Variants in ACAP3 observed in about 807,000 individuals in gnomAD.
ACAP3 encodes the protein ArfGAP with coiled-coil, ankyrin repeat and PH domains 3.
In ACAP3, 56 loss-of-function variants were observed where a neutral mutation model predicts 104.1. The ratio of observed to expected loss-of-function variants is 0.54; its 90% CI spans 0.43 to 0.67. The LOEUF (loss-of-function observed/expected upper bound fraction) is 0.67. ACAP3 is among the 30% of genes least tolerant of loss of function. The pLI, the probability that ACAP3 is intolerant of heterozygous loss-of-function variation, is 0.00. For missense variants in ACAP3, 1,208 were observed against 1,174.9 expected, an observed-to-expected ratio of 1.03 and a Z score of -0.41; for synonymous variants, 628 against 496.2, an observed-to-expected ratio of 1.27 and a Z score of -3.53.
At position 1,295,477 on chromosome 1, in the gene ACAP3, C is replaced by T. The variant is rs150351192; in HGVS notation, c.1783G>A (p.Asp595Asn). 4.6e-5 allele frequency: 74 copies of T among 1,612,578 alleles called. No individual in the cohort carries two copies. Among genetic ancestry groups the T allele is most frequent in the Non-Finnish European group, 5.9e-5 (70 of 1,179,886 alleles). ...DELDSLFSYF[D>N]AGAAGAGPRS... ...GGGCCAGCCCCTGCGGCCCCTGCGT[C>T]GAAGTAGGAGAAGAGCGAGTCCAGC... The change falls in exon 19 of 24, where the codon GAC becomes AAC. Residue 595 changes from aspartate (D) to asparagine (N), a missense_variant. By Grantham distance (23) the Asp-to-Asn change is conservative. Coordinates refer to ENST00000354700, the MANE Select transcript of ACAP3 (RefSeq NM_030649.3).
At chr1:1,298,343 G>A (rs377463724) in intron 12 of ACAP3, 27 bp downstream of exon 12, 5 of 1,606,024 alleles carry the variant, frequency 3.1e-6, no homozygotes, top group Non-Finnish European at 4.3e-6. Context: ...CAGCCATCAG[G>A]GCCCCAGCCC....
At chr1:1,299,636 G>T (rs1641356430) in intron 9 of ACAP3, 195 bp downstream of exon 9, 2 of 741,682 alleles carry the variant, frequency 2.7e-6, no homozygotes, top group Non-Finnish European at 4.4e-6. Flanking sequence ...GGAGATCCCA[G>T]CAGCGGCCCC....
intron 10 of ACAP3, 50 bp from the exon 11 acceptor site, chr1:1,298,729 A>C (rs1208440890): frequency 2.1e-6 from 3 of 1,426,290 alleles, no homozygotes; most frequent in Non-Finnish European, 3.0e-6. Context: ...GGGCCCTGCT[A>C]CCCTCCGTGC....
rs1363986545 is a variant in ACAP3, at chr1:1,293,915, C to T, written c.2268G>A (p.Leu756=). 6.3e-7 allele frequency: 1 copy of T among 1,578,644 alleles called. No homozygotes were observed. Among genetic ancestry groups the T allele is most frequent in the Admixed American group, 1.7e-5 (1 of 57,538 alleles). Reference sequence around the variant, plus strand: ...GGGCGTGCTGGTCCGCGCCCCGCTTCAGGAACAGGCAAACCTGGCTGAGGG... The same window carrying T: ...GGGCGTGCTGGTCCGCGCCCCGCTTTAGGAACAGGCAAACCTGGCTGAGGG... The part of the protein sequence containing the change: ...LGRTGQVCLF[L]KRGADQHALD... The change falls in exon 23 of 24, where the codon CTG becomes CTA. Residue 756 remains leucine, a synonymous_variant. Transcript: ENST00000354700.
chr1:1,297,955 G>C (rs374846403), intron 13 of ACAP3, 22 bp from the exon 14 acceptor site: 2 of 1,611,054 alleles, frequency 1.2e-6, no homozygotes, highest in African/African-American at 2.7e-5. Context: ...GGAGGGGCGG[G>C]CGTCAGCTCC....
At chr1:1,301,939 G>A (rs1259973858) in intron 5 of ACAP3, 49 bp downstream of exon 5, 6 of 1,493,456 alleles carry the variant, frequency 4.0e-6, no homozygotes, top group Admixed American at 2.2e-5. Flanking sequence ...CCCTCCAAGG[G>A]AGGGAGCGTG....
chr1:1,292,885 T>A lies in ACAP3; in HGVS notation c.*679A>T, dbSNP rs557518263. On this transcript the variant is annotated 3_prime_UTR_variant, in exon 24 of 24. Transcript: ENST00000354700. ...AGATGAGGGCTGCAAAGTGGCAAAG[T>A]GGCTTTATGCGCAGGCTCTGGGCCG... The A allele has an allele frequency of 6.6e-6, 1 of 152,324 alleles. No homozygotes were observed. Among genetic ancestry groups the A allele is most frequent in the South Asian group, 2.1e-4 (1 of 4,828 alleles). The allele number at this position is 152,324 out of a possible 1,614,324, so 9.4% of individuals were successfully genotyped here. A position where few individuals can be genotyped will look rare whatever the true frequency, so the allele number is the denominator to read the frequency against.
chr1:1,304,185 A>C, intron 1 of ACAP3, 42 bp from the exon 2 acceptor site: 1 of 1,549,654 alleles, frequency 6.5e-7, no homozygotes, highest in Non-Finnish European at 8.7e-7. Context: ...CTGCAGCCTC[A>C]GCCCCCTCGG....
Position 1,294,486 on chromosome 1 carries a change from C to T in ACAP3, c.2055G>A (p.Ala685=), listed in dbSNP as rs747334355. 1.3e-5 allele frequency: 20 copies of T among 1,546,452 alleles called. No homozygotes were observed. The African/African-American group carries it at 2.2e-4, about 17-fold the overall frequency. The part of the protein sequence containing the change: ...AARARDLPAL[A]AALAHGAEVN... ...CCTCGGCCCCGTGGGCCAGCGCCGC[C>T]GCCAGCGCAGGAAGGTCGCGGGCAC... The change falls in exon 21 of 24, where the codon GCG becomes GCA. Residue 685 remains alanine, a synonymous_variant. Transcript: ENST00000354700.
Position 1,301,844 on chromosome 1 carries a change from C to T in ACAP3, c.338+144G>A, listed in dbSNP as rs537062292. On this transcript the variant is annotated intron_variant, in intron 5 of 23. Transcript: ENST00000354700. ...CCCCCGCACTCCACCCGGCTGTCTG[C>T]CTCTGAGCCTTCTGCCTTGTGGAGC... The T allele has an allele frequency of 2.4e-4, 173 of 724,626 alleles. No homozygotes were observed. In the African/African-American group the frequency reaches 3.0e-3, roughly 12 times the overall value. The allele number at this position is 724,626 out of a possible 1,614,324, so 44.9% of individuals were successfully genotyped here.
chr1:1,306,236 C>G (rs998573699), intron 1 of ACAP3, among the ~76,000 whole-genome samples: 1 of 152,086 alleles, frequency 6.6e-6, no homozygotes, highest in Non-Finnish European at 1.5e-5. Context: ...GAGAGAAGGC[C>G]CAGAGGTGAG....
intron 21 of ACAP3, 84 bp from the exon 22 acceptor site, chr1:1,294,283 C>A: frequency 6.6e-7 from 1 of 1,516,496 alleles, no homozygotes; most frequent in Non-Finnish European, 8.9e-7. Flanking sequence ...CTTGGGCGCC[C>A]CCAGCCGGGA....
At chr1:1,296,152 G>A (rs1641136753) in intron 16 of ACAP3, 43 bp from the exon 17 acceptor site, 1 of 1,609,490 alleles carries the variant, frequency 6.2e-7, no homozygotes, top group Non-Finnish European at 8.5e-7. Flanking sequence ...CGAACCTGCA[G>A]ACCCCAGCTC....
In ACAP3 at chr1:1,297,946, G is replaced by A. The variant is rs542576214; in HGVS notation, c.1017-13C>T. On this transcript the variant is annotated splice_polypyrimidine_tract_variant and intron_variant, in intron 13 of 23. Coordinates refer to ENST00000354700, the MANE Select transcript of ACAP3 (RefSeq NM_030649.3). ...CAGCATGCAGCTCCTGCAGGCAGTG[G>A]AGGGGCGGGCGTCAGCTCCGGTGGG... The A allele has an allele frequency of 1.2e-6, 2 of 1,611,442 alleles. No homozygotes were observed. The highest frequency in any genetic ancestry group is 2.2e-5 in the South Asian group (2 of 91,022).
chr1:1,293,460 A>G lies in ACAP3; in HGVS notation c.*104T>C. On this transcript the variant is annotated 3_prime_UTR_variant, in exon 24 of 24. Transcript: ENST00000354700. The stretch of plus-strand genomic sequence containing the variant: ...CCAGCACTGGGGCTGCCAGGTATCG[A>G]CCCGCGGGTCACACGCAGGGCCGCG... 8.4e-7 allele frequency: 1 copy of G among 1,194,386 alleles called. No homozygotes were observed. Among genetic ancestry groups the G allele is most frequent in the Non-Finnish European group, 1.1e-6 (1 of 940,630 alleles). 74.0% of individuals were successfully genotyped at this position (1,194,386 alleles called of 1,614,324 possible).
Position 1,303,102 on chromosome 1 carries a change from T to TGCC in ACAP3, c.225+57_225+59dup. The TGCC allele has an allele frequency of 6.4e-7, 1 of 1,557,262 alleles. No homozygotes were observed. On this transcript the variant is annotated intron_variant, in intron 3 of 23. Transcript: ENST00000354700. The surrounding 1 kb of genome is among the most constrained non-coding windows in gnomAD (Gnocchi z 4.0). ...TCTGGCCTGGACGCCCTCAAGGGGC[T>TGCC]GCCTCCCTCGGCCTCTCCCCCAACC...
chr1:1,292,500 T>G lies in ACAP3; in HGVS notation c.*1064A>C, dbSNP rs1226144636. 6.6e-6 allele frequency: 1 copy of G among 152,388 alleles called. No individual in the cohort carries two copies. The highest frequency in any genetic ancestry group is 1.5e-5 in the Non-Finnish European group (1 of 68,202). 9.4% of individuals were successfully genotyped at this position (152,388 alleles called of 1,614,324 possible). ...ACACAGGGAGAGGGGCAAGAATCAA[T>G]TCTGTTCTTCAGGGTCACAGGCAGC... On this transcript the variant is annotated 3_prime_UTR_variant, in exon 24 of 24. Coordinates refer to ENST00000354700, the MANE Select transcript of ACAP3 (RefSeq NM_030649.3).
chr1:1,293,742 C>T lies in ACAP3; in HGVS notation c.2361-34G>A, dbSNP rs528103117. On this transcript the variant is annotated intron_variant, in intron 23 of 23. Transcript: ENST00000354700. ...AGGCACAGCGTGAGACGCCCCTGCCCTGGAGGCCCCGCCCCTGCCCTGGAG... is the reference window on the plus strand; with the variant it reads ...AGGCACAGCGTGAGACGCCCCTGCCTTGGAGGCCCCGCCCCTGCCCTGGAG... 128 of 1,455,298 alleles carry T rather than the reference C, an allele frequency of 8.8e-5. 1 individual carries two copies. In the South Asian group the frequency reaches 1.7e-3, roughly 19 times the overall value. 90.1% of individuals were successfully genotyped at this position (1,455,298 alleles called of 1,614,324 possible).
chr1:1,294,755 G>C lies in ACAP3; in HGVS notation c.1875C>G (p.Phe625Leu), dbSNP rs377269757. The C allele has an allele frequency of 5.8e-6, 9 of 1,549,760 alleles. No individual in the cohort carries two copies. Among genetic ancestry groups the C allele is most frequent in the Non-Finnish European group, 7.8e-6 (9 of 1,146,742 alleles). The change falls in exon 20 of 24, where the codon TTC becomes TTG. Residue 625 changes from phenylalanine to leucine, a missense_variant. Coordinates refer to ENST00000354700, the MANE Select transcript of ACAP3 (RefSeq NM_030649.3). Reference protein sequence around the residue: ...SSDGSSDVLAFGSGSVVDSVT... With the variant: ...SSDGSSDVLALGSGSVVDSVT... ...CGCTGTCCACCACAGAGCCCGAGCC[G>C]AAAGCCAGGACGTCCGAGCTGCCAT...
Sources: allele counts gnomAD v4.1 joint callset (sites outside exome capture counted in the v4.1 genomes callset), GRCh38; gene constraint gnomAD v4.1.1; non-coding constraint Gnocchi (gnomAD v3.1); transcripts MANE v1.5; gene names NCBI Gene and HGNC (gene_info 2026-07-23, HGNC 2026-07-21).